ASCC1: variants seen among roughly 807,000 people sequenced by gnomAD.
ASCC1 encodes the protein ASC-1 complex subunit P50.
Under a neutral mutation model 46.6 loss-of-function variants are expected in ASCC1, and 35 were observed. That is an observed-to-expected ratio of 0.75 (90% confidence interval 0.57 to 0.99). The LOEUF (loss-of-function observed/expected upper bound fraction) is 0.99. Among genes scored for constraint, ASCC1 ranks in the 50% least tolerant of loss-of-function variants. ASCC1 has a pLI of 0.00. For missense variants in ASCC1, 376 were observed against 428.7 expected (o/e 0.88, Z 1.09); for synonymous variants, 143 against 146.6 (o/e 0.98, Z 0.18).
At chr10:72,149,214 A>G (rs1847993019) in intron 7 of ASCC1, among the ~76,000 whole-genome samples, 1 of 151,920 alleles carries the variant, frequency 6.6e-6, no homozygotes, top group African/African-American at 2.4e-5. Flanking sequence ...CAAGGTGGAC[A>G]GAGCACAAGG....
At chr10:72,174,716 G>A (rs1026480643) in intron 5 of ASCC1, among the ~76,000 whole-genome samples, 4 of 152,196 alleles carry the variant, frequency 2.6e-5, no homozygotes, top group African/African-American at 9.7e-5. Context: ...ACAAACGTTT[G>A]TGCCTTTAAC....
At chr10:72,126,713 A>G (rs901802678) in intron 9 of ASCC1, among the ~76,000 whole-genome samples, 1 of 152,246 alleles carries the variant, frequency 6.6e-6, no homozygotes, top group Non-Finnish European at 1.5e-5. Flanking sequence ...AAAGTAATTC[A>G]TTGTGATACT....
rs939874389 is a variant in ASCC1, at chr10:72,203,025, G to A, written c.310+402C>T. On this transcript the variant is annotated intron_variant, in intron 4 of 9. Transcript: ENST00000672957. ...TAGCTGGCCGGGCACGGTGGCTCAC[G>A]TCTATAATCCCAACACTTTGGGAGG... 2.0e-5 allele frequency among the ~76,000 whole-genome samples: 3 copies of A among 152,200 alleles called. No individual in the cohort carries two copies. The East Asian group carries it at 5.8e-4, about 29-fold the overall frequency.
intron 9 of ASCC1, among the ~76,000 whole-genome samples, chr10:72,124,218 T>C (rs148051690): frequency 2.0e-5 from 3 of 152,324 alleles, no homozygotes; most frequent in Non-Finnish European, 2.9e-5. Context: ...TGCCAGTCTC[T>C]TCTTTCTCTA....
chr10:72,160,912 T>G (rs993642165), intron 6 of ASCC1, among the ~76,000 whole-genome samples: 1 of 151,208 alleles, frequency 6.6e-6, no homozygotes, highest in Non-Finnish European at 1.5e-5. Context: ...TGAAACCCCG[T>G]CTCTACTAAA....
At chr10:72,180,339 G>A (rs1852418229) in intron 5 of ASCC1, among the ~76,000 whole-genome samples, 1 of 151,020 alleles carries the variant, frequency 6.6e-6, no homozygotes, top group African/African-American at 2.4e-5. Context: ...AAAAATAAAA[G>A]AGCTACCCAG....
At chr10:72,168,047 C>T (rs777961198) in intron 5 of ASCC1, among the ~76,000 whole-genome samples, 4 of 152,042 alleles carry the variant, frequency 2.6e-5, no homozygotes, top group Admixed American at 6.5e-5. Context: ...AAAAACTAGC[C>T]GGGCGTGGTG....
intron 5 of ASCC1, among the ~76,000 whole-genome samples, chr10:72,168,835 G>C (rs1275300240): frequency 6.6e-6 from 1 of 152,208 alleles, no homozygotes; most frequent in Non-Finnish European, 1.5e-5. Context: ...GGCTATAGCA[G>C]AAAGCAACCC....
At chr10:72,161,062 G>A (rs1039533145) in intron 6 of ASCC1, among the ~76,000 whole-genome samples, 9 of 151,658 alleles carry the variant, frequency 5.9e-5, no homozygotes, top group East Asian at 1.9e-4. Flanking sequence ...CAGCCTGGGC[G>A]ACAGAGCAAG....
intron 5 of ASCC1, among the ~76,000 whole-genome samples, chr10:72,180,698 C>CAA (rs111609131): frequency 3.0e-4 from 44 of 147,290 alleles, no homozygotes; most frequent in African/African-American, 1.0e-3. Context: ...TTAGACACTT[C>CAA]AAAAAAAAAA....
At chr10:72,187,719 C>CAAAA (rs761851091) in intron 5 of ASCC1, among the ~76,000 whole-genome samples, 898 of 35,180 alleles carry the variant, frequency 0.026, 76 homozygotes, top group East Asian at 0.081. Flanking sequence ...GAATCCGTCT[C>CAAAA]AAAAAAAAAA....
At position 72,161,794 on chromosome 10, in the gene ASCC1, C is replaced by A. The variant is rs909466937; in HGVS notation, c.490-120G>T. On this transcript the variant is annotated intron_variant, in intron 5 of 9. Transcript: ENST00000672957. ...CAGCCAAGTGATTTTCCACAAGGTG[C>A]CAAGACCATTCAATAGAGAAAGTCT... 2.9e-5 allele frequency: 33 copies of A among 1,121,560 alleles called. No homozygotes were observed. In the African/African-American group the frequency reaches 5.1e-4, roughly 17 times the overall value. 69.5% of individuals were successfully genotyped at this position (1,121,560 alleles called of 1,614,324 possible). A position where few individuals can be genotyped will look rare whatever the true frequency, so the allele number is the denominator to read the frequency against.
intron 5 of ASCC1, among the ~76,000 whole-genome samples, chr10:72,184,570 A>G (rs551647008): frequency 6.6e-6 from 1 of 152,304 alleles, no homozygotes; most frequent in African/African-American, 2.4e-5. Flanking sequence ...ATAGAGAAAG[A>G]TATTTCATAA....
Position 72,133,091 on chromosome 10 carries a change from T to A in ASCC1, c.837A>T (p.Thr279=), listed in dbSNP as rs1352903954. Residue 279 remains threonine, a synonymous_variant, in exon 8 of 10, where the codon ACA becomes ACT. Transcript: ENST00000672957. ...CTTTCCTGAATAGTGTATTCATAAC[T>A]GTAGCATGCAGTTTCACACTATTCC... is the stretch of plus-strand genomic sequence containing the variant. ...KEWNSVKLHA[T]VMNTLFRKDP... 6.2e-7 allele frequency: 1 copy of A among 1,614,082 alleles called. No homozygotes were observed. Among genetic ancestry groups the A allele is most frequent in the African/African-American group, 1.3e-5 (1 of 74,938 alleles).
At position 72,133,075 on chromosome 10, in the gene ASCC1, A is replaced by G. The variant is rs1845788488; in HGVS notation, c.853T>C (p.Phe285Leu). ...KLHATVMNTL[F>L]RKDPNAEGRY... ...GACTTACCATTGGGGTCTTTCCTGA[A>G]TAGTGTATTCATAACTGTAGCATGC... Residue 285 changes from phenylalanine (F) to leucine (L), a missense_variant, in exon 8 of 10, where the codon TTC (phenylalanine) becomes CTC (leucine). By Grantham distance (22) the Phe-to-Leu change is conservative (BLOSUM62 0). Transcript: ENST00000672957. The G allele has an allele frequency of 2.5e-6, 4 of 1,614,054 alleles. No homozygotes were observed. The highest frequency in any genetic ancestry group is 1.7e-5 in the Admixed American group (1 of 60,012).
At chr10:72,184,904 T>C (rs76086930) in intron 5 of ASCC1, among the ~76,000 whole-genome samples, 4,586 of 152,144 alleles carry the variant, frequency 0.03, 220 homozygotes, top group African/African-American at 0.1. Flanking sequence ...GTTATGTATA[T>C]TTCACCATAA....
At chr10:72,182,984 T>C (rs1374234492) in intron 5 of ASCC1, among the ~76,000 whole-genome samples, 2 of 148,162 alleles carry the variant, frequency 1.3e-5, no homozygotes, top group African/African-American at 5.3e-5. Context: ...CAAATTTTTC[T>C]ACATTGAAAT....
At chr10:72,143,261 T>C (rs1178296769) in intron 7 of ASCC1, among the ~76,000 whole-genome samples, 1 of 152,048 alleles carries the variant, frequency 6.6e-6, no homozygotes, top group African/African-American at 2.4e-5. Context: ...ACTATAAATG[T>C]GTTTTATTTT....
intron 7 of ASCC1, among the ~76,000 whole-genome samples, chr10:72,141,920 AT>A (rs1847061154): frequency 6.6e-6 from 1 of 152,202 alleles, no homozygotes; most frequent in Non-Finnish European, 1.5e-5. Flanking sequence ...AATAATGACC[AT>A]TGGTCTTCTA....
Sources: gnomAD v4.1 joint callset for allele counts (sites outside exome capture counted in the v4.1 genomes callset) on GRCh38, gnomAD v4.1.1 for gene constraint, MANE v1.5 for transcripts, NCBI Gene and HGNC (gene_info 2026-07-23, HGNC 2026-07-21) for gene names.